The following TNIK variants were observed in gnomAD, a reference collection of about 807,000 sequenced individuals.
TNIK encodes TRAF2 and NCK interacting kinase, also known as TRAF2 and NCK-interacting protein kinase.
A neutral mutation model predicts 191.3 loss-of-function variants in TNIK; 49 were observed. That is an observed-to-expected ratio of 0.26 (90% CI 0.20 to 0.32). The LOEUF (loss-of-function observed/expected upper bound fraction) is 0.32, where lower values mean the gene tolerates loss of function less well. TNIK is among the 10% of genes least tolerant of loss of function. The pLI is 1.00. For synonymous variants in TNIK, 594 were observed against 600.9 expected, an observed-to-expected ratio of 0.99 and a Z score of 0.17; for missense variants, 1,155 against 1,702.3, an observed-to-expected ratio of 0.68 and a Z score of 5.66.
At chr3:171,387,905 T>C (rs567685519) in intron 1 of TNIK, among the ~76,000 whole-genome samples, 1 of 150,550 alleles carries the variant, frequency 6.6e-6, no homozygotes, top group East Asian at 2.0e-4. Flanking sequence ...AATGGCCTAG[T>C]GGTTCAGAAC....
intron 2 of TNIK, among the ~76,000 whole-genome samples, chr3:171,319,949 A>T (rs557686020): frequency 3.9e-5 from 6 of 152,180 alleles, no homozygotes; most frequent in Non-Finnish European, 7.4e-5. Context: ...ATCAGCCCTC[A>T]CCCAATCTTG....
chr3:171,164,685 G>C (rs996887915), intron 10 of TNIK, among the ~76,000 whole-genome samples: 1 of 152,164 alleles, frequency 6.6e-6, no homozygotes, highest in African/African-American at 2.4e-5. Flanking sequence ...AGAGAAGTTA[G>C]CATTTAATGG....
intron 15 of TNIK, 21 bp from the exon 16 acceptor site, chr3:171,128,899 A>AG: frequency 6.6e-7 from 1 of 1,515,798 alleles, no homozygotes; most frequent in East Asian, 2.5e-5. Flanking sequence ...AAAAAAAAAA[A>AG]AAAAAAAAGA....
chr3:171,066,744 CAAAGA>C lies in TNIK; in HGVS notation c.3700-14_3700-10del. On this transcript the variant is annotated splice_polypyrimidine_tract_variant and intron_variant, in intron 30 of 32. Coordinates refer to ENST00000436636, the MANE Select transcript of TNIK (RefSeq NM_015028.4). ...GTGATATTGCCCTGAATCTAGAAGA[CAAAGA>C]AAAGCCAAGCATTATTCTTTTAAAA... 6.2e-7 allele frequency: 1 copy of C among 1,611,192 alleles called. No individual in the cohort carries two copies.
chr3:171,381,962 A>C (rs1299322561), intron 1 of TNIK, among the ~76,000 whole-genome samples: 1 of 152,230 alleles, frequency 6.6e-6, no homozygotes, highest in Non-Finnish European at 1.5e-5. Flanking sequence ...TCATGGAGCT[A>C]CCATGCTACC....
intron 18 of TNIK, among the ~76,000 whole-genome samples, chr3:171,118,644 A>G (rs1727145085): frequency 6.6e-6 from 1 of 152,230 alleles, no homozygotes; most frequent in Admixed American, 6.5e-5. Context: ...ACATATCTAT[A>G]ACTATCTGAT....
At chr3:171,085,914 CTT>C (rs1218035607) in intron 24 of TNIK, among the ~76,000 whole-genome samples, 2 of 152,088 alleles carry the variant, frequency 1.3e-5, no homozygotes, top group African/African-American at 4.8e-5. Context: ...AAAAATGAAT[CTT>C]GGGCTTGAAT....
chr3:171,088,297 C>T (rs542331326), intron 23 of TNIK, among the ~76,000 whole-genome samples: 17 of 150,240 alleles, frequency 1.1e-4, no homozygotes, highest in South Asian at 4.2e-4. Flanking sequence ...TGCAGTGGCG[C>T]GATCTTGGCT....
intron 2 of TNIK, among the ~76,000 whole-genome samples, chr3:171,253,589 T>TCCCCCCCCCCCCCCCCC (rs67388870): frequency 4.1e-5 from 5 of 121,542 alleles, no homozygotes; most frequent in Admixed American, 8.8e-5. Flanking sequence ...AGAAGACAGG[T>TCCCCCCCCCCCCCCCCC]CCCCCCCCCA....
intron 1 of TNIK, among the ~76,000 whole-genome samples, chr3:171,401,125 A>G (rs1720899714): frequency 6.6e-6 from 1 of 152,174 alleles, no homozygotes; most frequent in African/African-American, 2.4e-5. Context: ...AAAACAAAAA[A>G]AGAAGAAGCT....
At chr3:171,175,162 C>T (rs769477145) in intron 9 of TNIK, 90 bp downstream of exon 9, 79 of 1,226,894 alleles carry the variant, frequency 6.4e-5, no homozygotes, top group Non-Finnish European at 1.2e-5. Flanking sequence ...CTCATTCTAT[C>T]AGCAGGACCT....
intron 1 of TNIK, among the ~76,000 whole-genome samples, chr3:171,381,608 C>G (rs1413552486): frequency 2.0e-5 from 3 of 152,172 alleles, no homozygotes; most frequent in Non-Finnish European, 2.9e-5. Context: ...TCCCCTTGCT[C>G]CTTAACAAAA....
At chr3:171,074,643 TAG>T (rs1451436864) in intron 28 of TNIK, among the ~76,000 whole-genome samples, 2 of 152,230 alleles carry the variant, frequency 1.3e-5, no homozygotes, top group African/African-American at 4.8e-5. Context: ...TAAGCACATA[TAG>T]GCTCAGATAA....
In TNIK at chr3:171,350,539, A is replaced by G. The variant is rs141976168; in HGVS notation, c.123+19081T>C. 1.6e-3 allele frequency among the ~76,000 whole-genome samples: 247 copies of G among 150,888 alleles called. 3 individuals are homozygous for G. The highest frequency in any genetic ancestry group is 9.9e-3 in the South Asian group (47 of 4,754). On this transcript the variant is annotated intron_variant, in intron 2 of 32. Transcript: ENST00000436636. ...AGCATGAGGAAAATTAACTACTGCAATTAAGAGGAAGAGGAAGTGAAAGAT... is the reference window on the plus strand; with the variant it reads ...AGCATGAGGAAAATTAACTACTGCAGTTAAGAGGAAGAGGAAGTGAAAGAT...
intron 1 of TNIK, among the ~76,000 whole-genome samples, chr3:171,423,141 G>C (rs1174258918): frequency 6.6e-6 from 1 of 151,992 alleles, no homozygotes; most frequent in Admixed American, 6.5e-5. Flanking sequence ...AAAGTCTCAG[G>C]GTACAAAATC....
intron 3 of TNIK, among the ~76,000 whole-genome samples, chr3:171,218,420 G>C (rs1031201414): frequency 6.6e-6 from 1 of 151,928 alleles, no homozygotes; most frequent in Non-Finnish European, 1.5e-5. Context: ...TTTAAACCTA[G>C]CAATAATGTC....
chr3:171,179,980 T>A (rs531217832), intron 7 of TNIK, among the ~76,000 whole-genome samples: 1 of 152,264 alleles, frequency 6.6e-6, no homozygotes, highest in African/African-American at 2.4e-5. Context: ...TGAGAGTTTC[T>A]ATAGCGTGAA....
At chr3:171,082,567 C>T in intron 26 of TNIK, 173 bp from the exon 27 acceptor site, 1 of 741,582 alleles carries the variant, frequency 1.3e-6, no homozygotes, top group Non-Finnish European at 2.1e-6. Flanking sequence ...AATCATTGTA[C>T]TTCTGGTAAT....
chr3:171,315,143 G>C (rs565783161), intron 2 of TNIK, among the ~76,000 whole-genome samples: 1 of 152,126 alleles, frequency 6.6e-6, no homozygotes, highest in African/African-American at 2.4e-5. Flanking sequence ...ATTCTGCTTT[G>C]AAAGCAGAAA....
Sources: allele counts gnomAD v4.1 joint callset (sites outside exome capture counted in the v4.1 genomes callset), GRCh38; gene constraint gnomAD v4.1.1; transcripts MANE v1.5; gene names NCBI Gene and HGNC (gene_info 2026-07-23, HGNC 2026-07-21).